TSHR: variants seen among roughly 807,000 people sequenced by gnomAD.
TSHR encodes the protein thyroid stimulating hormone receptor, also known as thyrotropin receptor.
In TSHR, 51 loss-of-function variants were observed where a neutral mutation model predicts 64.1. The ratio of observed to expected loss-of-function variants is 0.80; its 90% CI spans 0.64 to 1.01. TSHR has a LOEUF of 1.01. Among genes scored for constraint, TSHR ranks in the 50% least tolerant of loss-of-function variants. The pLI, the probability that TSHR is intolerant of heterozygous loss-of-function variation, is 0.00. For synonymous variants in TSHR, 361 were observed against 361.9 expected (o/e 1.00, Z 0.03); for missense variants, 877 against 942.8 (o/e 0.93, Z 0.91).
chr14:81,126,846 T>A (rs1259702198), intron 8 of TSHR, among the ~76,000 whole-genome samples: 1 of 152,234 alleles, frequency 6.6e-6, no homozygotes, highest in Non-Finnish European at 1.5e-5. Flanking sequence ...CTCTGTGCTA[T>A]TTTTACATAA....
intron 1 of TSHR, chr14:81,032,704 G>A: frequency 2.3e-6 from 1 of 428,600 alleles, no homozygotes; most frequent in East Asian, 6.7e-5. Flanking sequence ...AAGAAGAAGG[G>A]ACTCATGCCT....
chr14:80,956,996 CT>C (rs1254994112), intron 1 of TSHR, among the ~76,000 whole-genome samples: 3 of 152,162 alleles, frequency 2.0e-5, no homozygotes, highest in African/African-American at 7.2e-5. Flanking sequence ...GAATAAAATT[CT>C]TTTGTGCAGC....
rs576006380 is a variant in TSHR, at chr14:81,011,352, C to T, written c.171-50796C>T. On this transcript the variant is annotated intron_variant, in intron 1 of 9. Transcript: ENST00000298171. ...AGATAGACAAAAATAATAATTTATT[C>T]AGTTATTAGTTGTCTGTTCAGGCTT... 3.9e-5 allele frequency among the ~76,000 whole-genome samples: 6 copies of T among 151,940 alleles called. No individual in the cohort carries two copies. The South Asian group carries it at 1.2e-3, about 32-fold the overall frequency.
intron 1 of TSHR, among the ~76,000 whole-genome samples, chr14:81,045,373 G>A (rs1438235659): frequency 6.6e-6 from 1 of 152,134 alleles, no homozygotes; most frequent in African/African-American, 2.4e-5. Context: ...CTGATCCTGG[G>A]CTTTTCTTCA....
At chr14:81,097,866 C>A (rs1483431741) in intron 7 of TSHR, among the ~76,000 whole-genome samples, 2 of 152,160 alleles carry the variant, frequency 1.3e-5, no homozygotes, top group African/African-American at 4.8e-5. Flanking sequence ...CAGTACCATT[C>A]TCTCGATTGT....
At chr14:80,966,931 A>G (rs980103695) in intron 1 of TSHR, among the ~76,000 whole-genome samples, 62 of 152,192 alleles carry the variant, frequency 4.1e-4, no homozygotes, top group Middle Eastern at 3.4e-3. Flanking sequence ...TGTGTTTTTT[A>G]TTATAAGGGC....
At chr14:80,956,484 A>G (rs1382040069) in intron 1 of TSHR, among the ~76,000 whole-genome samples, 2 of 152,352 alleles carry the variant, frequency 1.3e-5, no homozygotes, top group Non-Finnish European at 2.9e-5. Context: ...ATTTATCTGC[A>G]TGTTAAATGT....
intron 1 of TSHR, among the ~76,000 whole-genome samples, chr14:81,055,511 C>T (rs1454736203): frequency 6.6e-6 from 1 of 152,168 alleles, no homozygotes; most frequent in African/African-American, 2.4e-5. Flanking sequence ...TACAGACACT[C>T]AACACTAGCC....
chr14:80,993,218 A>G (rs1157555789), intron 1 of TSHR: 2 of 152,122 alleles, frequency 1.3e-5, no homozygotes, highest in Non-Finnish European at 2.9e-5. Flanking sequence ...AGTAAGAAGA[A>G]CTGTTCTAAA....
At chr14:80,978,915 A>T (rs1373765688) in intron 1 of TSHR, among the ~76,000 whole-genome samples, 1 of 152,174 alleles carries the variant, frequency 6.6e-6, no homozygotes, top group African/African-American at 2.4e-5. Context: ...ACTCCCATTC[A>T]TACATCTAAT....
At position 81,143,813 on chromosome 14, in the gene TSHR, T is replaced by G; in HGVS notation, c.1755T>G (p.Phe585Leu). Residue 585 changes from phenylalanine (F) to leucine (L), a missense_variant, in exon 10 of 10, where the codon TTT becomes TTG. Coordinates refer to ENST00000298171, the MANE Select transcript of TSHR (RefSeq NM_000369.5). ...ETPLALAYIV[F>L]VLTLNIVAFV... ...CTCTTGCTCTGGCATATATTGTTTT[T>G]GTTCTGACGCTCAACATAGTTGCCT... 2 of 1,614,034 alleles carry G rather than the reference T, an allele frequency of 1.2e-6. No individual in the cohort carries two copies. Among genetic ancestry groups the G allele is most frequent in the Non-Finnish European group, 1.7e-6 (2 of 1,180,028 alleles).
At chr14:81,072,691 C>T (rs963037011) in intron 3 of TSHR, among the ~76,000 whole-genome samples, 6 of 151,960 alleles carry the variant, frequency 3.9e-5, no homozygotes, top group Non-Finnish European at 5.9e-5. Context: ...TTTTAATACT[C>T]GCTGTATGCT....
intron 2 of TSHR, among the ~76,000 whole-genome samples, chr14:81,067,927 C>CTATATATA (rs10528934): frequency 0.014 from 1,350 of 95,702 alleles, 67 homozygotes; most frequent in Non-Finnish European, 0.016. Context: ...CAGGGTGACA[C>CTATATATA]TATATATATA....
chr14:80,981,225 T>C lies in TSHR; in HGVS notation c.170+25375T>C, dbSNP rs151282952. ...CACTGCTCAGGGATATATTTTATGATACTATCTCAGCTTGGGAGGTGTCTC... is the reference window on the plus strand; with the variant it reads ...CACTGCTCAGGGATATATTTTATGACACTATCTCAGCTTGGGAGGTGTCTC... On this transcript the variant is annotated intron_variant, in intron 1 of 9. Transcript: ENST00000298171. Among the ~76,000 whole-genome samples the C allele has an allele frequency of 3.4e-3, 513 of 152,364 alleles. 3 individuals are homozygous for C. Among genetic ancestry groups the C allele is most frequent in the African/African-American group, 0.011 (461 of 41,590 alleles).
chr14:80,987,465 T>C (rs1888520394), intron 1 of TSHR, among the ~76,000 whole-genome samples: 1 of 152,256 alleles, frequency 6.6e-6, no homozygotes, highest in African/African-American at 2.4e-5. Context: ...AATTATGTTT[T>C]AGGCTTGATT....
At chr14:81,137,565 C>T (rs1891503863) in intron 8 of TSHR, among the ~76,000 whole-genome samples, 1 of 152,178 alleles carries the variant, frequency 6.6e-6, no homozygotes, top group South Asian at 2.1e-4. Context: ...TCCCAACCCC[C>T]AGGCATTGAG....
intron 1 of TSHR, among the ~76,000 whole-genome samples, chr14:80,969,870 T>G (rs773855442): frequency 6.6e-6 from 1 of 152,224 alleles, no homozygotes; most frequent in Non-Finnish European, 1.5e-5. Context: ...TTTCTTGTTC[T>G]CTGTTTTCCA....
intron 8 of TSHR, among the ~76,000 whole-genome samples, chr14:81,112,690 A>G (rs1329799445): frequency 6.6e-6 from 1 of 152,188 alleles, no homozygotes; most frequent in Non-Finnish European, 1.5e-5. Flanking sequence ...CCAGTAGGGG[A>G]GGGTCACTAC....
intron 3 of TSHR, among the ~76,000 whole-genome samples, chr14:81,077,636 A>G (rs1400365677): frequency 1.3e-5 from 2 of 152,212 alleles, no homozygotes; most frequent in Non-Finnish European, 2.9e-5. Context: ...TTTTATATCC[A>G]GCCTGAAAAT....
Sources: gnomAD v4.1 joint callset for allele counts (sites outside exome capture counted in the v4.1 genomes callset) on GRCh38, gnomAD v4.1.1 for gene constraint, MANE v1.5 for transcripts, NCBI Gene and HGNC (gene_info 2026-07-23, HGNC 2026-07-21) for gene names.